Variants in VPS39 observed in about 807,000 individuals in gnomAD.
VPS39 encodes the protein VPS39 subunit of HOPS complex.
In VPS39, 70 loss-of-function variants were observed where a neutral mutation model predicts 121.0. The observed-to-expected ratio is 0.58, with a 90% CI of 0.48 to 0.71. VPS39 has a LOEUF of 0.71. VPS39 is among the 30% of genes least tolerant of loss of function. The pLI is 0.00. For missense variants in VPS39, 818 were observed against 1,051.5 expected (o/e 0.78, Z 3.07); for synonymous variants, 378 against 398.1 (o/e 0.95, Z 0.60).
At chr15:42,182,703 G>A (rs929376593) in intron 8 of VPS39, among the ~76,000 whole-genome samples, 5 of 152,238 alleles carry the variant, frequency 3.3e-5, no homozygotes, top group Non-Finnish European at 7.3e-5. Context: ...GAAGCACCAA[G>A]AAGTGACTAA....
At chr15:42,171,316 C>T (rs1051973468) in intron 11 of VPS39, among the ~76,000 whole-genome samples, 3 of 152,190 alleles carry the variant, frequency 2.0e-5, no homozygotes, top group Admixed American at 6.5e-5. Context: ...TGGAAGCCTC[C>T]CTCTTCCAGC....
intron 12 of VPS39, 64 bp downstream of exon 12, chr15:42,169,660 C>T (rs2049309430): frequency 2.0e-6 from 3 of 1,505,994 alleles, no homozygotes; most frequent in Middle Eastern, 2.4e-4. Flanking sequence ...CAATTCCTTG[C>T]CACAAAGAAA....
intron 4 of VPS39, among the ~76,000 whole-genome samples, chr15:42,189,819 T>TTTCTGAGGCACGGTCTCACTC (rs376361986): frequency 1.2e-5 from 1 of 82,706 alleles, no homozygotes; most frequent in Non-Finnish European, 2.3e-5. Context: ...TTTTTTTTTT[T>TTTCTGAGGCACGGTCTCACTC]TGAGGCACGG....
intron 2 of VPS39, among the ~76,000 whole-genome samples, chr15:42,192,922 G>A (rs2049860021): frequency 6.6e-6 from 1 of 152,074 alleles, no homozygotes; most frequent in Admixed American, 6.5e-5. Flanking sequence ...TGGGATTACA[G>A]GCATGTGCCA....
chr15:42,165,257 TCTAAAGC>T (rs2049219468), intron 17 of VPS39, 144 bp from the exon 18 acceptor site: 1 of 720,042 alleles, frequency 1.4e-6, no homozygotes, highest in South Asian at 1.8e-5. Flanking sequence ...AGACAGCTCG[TCTAAAGC>T]CACCAGGAAG....
intron 20 of VPS39, 22 bp from the exon 21 acceptor site, chr15:42,163,417 G>C: frequency 6.2e-7 from 1 of 1,614,134 alleles, no homozygotes; most frequent in Non-Finnish European, 8.5e-7. Context: ...AGAGTGGTGA[G>C]AGCAGGTGGT....
intron 8 of VPS39, 118 bp from the exon 9 acceptor site, chr15:42,178,688 A>G (rs1427205547): frequency 1.4e-6 from 2 of 1,422,548 alleles, no homozygotes; most frequent in Non-Finnish European, 1.9e-6. Flanking sequence ...CCCTAGTCAA[A>G]TATCAAGCCA....
chr15:42,180,029 G>A (rs932789243), intron 8 of VPS39, among the ~76,000 whole-genome samples: 8 of 152,130 alleles, frequency 5.3e-5, no homozygotes, highest in Non-Finnish European at 7.4e-5. Context: ...GGAGCATCAA[G>A]AAGGCCCTTA....
At chr15:42,183,826 T>G (rs1471773046) in intron 8 of VPS39, among the ~76,000 whole-genome samples, 1 of 152,184 alleles carries the variant, frequency 6.6e-6, no homozygotes. Context: ...ACAGGGGTCT[T>G]TAAAGACAGA....
intron 12 of VPS39, among the ~76,000 whole-genome samples, chr15:42,168,842 C>T (rs1364101518): frequency 6.6e-6 from 1 of 152,142 alleles, no homozygotes; most frequent in African/African-American, 2.4e-5. Context: ...CACACCCGGC[C>T]AACAGCAATA....
rs2049313918 is a variant in VPS39 at position 42,169,869 on chromosome 15, A to G, written c.1091-3T>C. 1 of 1,607,300 alleles carries G rather than the reference A, an allele frequency of 6.2e-7. No individual in the cohort carries two copies. The highest frequency in any genetic ancestry group is 2.2e-5 in the East Asian group (1 of 44,774). ...CAGGCCCATCACATGGGTGGGATCT[A>G]TATGGAAGGTAAACATGATTCCTCT... On this transcript the variant is annotated splice_region_variant and splice_polypyrimidine_tract_variant and intron_variant, in intron 11 of 24. Transcript: ENST00000318006.
chr15:42,171,608 A>G (rs1326878523), intron 11 of VPS39, among the ~76,000 whole-genome samples: 2 of 152,242 alleles, frequency 1.3e-5, no homozygotes, highest in Admixed American at 1.3e-4. Flanking sequence ...TACATGCCAC[A>G]ATATTTATCC....
chr15:42,179,925 T>C (rs2049547376), intron 8 of VPS39, among the ~76,000 whole-genome samples: 1 of 152,150 alleles, frequency 6.6e-6, no homozygotes, highest in Non-Finnish European at 1.5e-5. Flanking sequence ...ATTAATGCAC[T>C]ATAAAAAGGG....
chr15:42,170,741 ATTTTTTTTTTTTTTT>A lies in VPS39; in HGVS notation c.1091-890_1091-876del, dbSNP rs869280235. Among the ~76,000 whole-genome samples the A allele has an allele frequency of 2.7e-3, 138 of 50,496 alleles. No homozygotes were observed. The Admixed American group carries it at 0.041, about 15-fold the overall frequency. 33.1% of individuals were successfully genotyped at this position (50,496 alleles called of 152,430 possible). On this transcript the variant is annotated intron_variant, in intron 11 of 24. Transcript: ENST00000318006. ...ATGGTGTTCTCACAGATGCTCGCAGATTTTTTTTTTTTTTTTTTTTTTTTTTTTTGAGACAGGGTT... is the reference window on the plus strand; with the variant it reads ...ATGGTGTTCTCACAGATGCTCGCAGATTTTTTTTTTTTTTGAGACAGGGTT...
At chr15:42,201,040 T>C (rs1285487000) in intron 1 of VPS39, among the ~76,000 whole-genome samples, 2 of 152,154 alleles carry the variant, frequency 1.3e-5, no homozygotes, top group African/African-American at 4.8e-5. Context: ...GCTGGTGGGC[T>C]TGGGGGAAAA....
Position 42,208,130 on chromosome 15 carries a change from C to T in VPS39, c.24G>A (p.Val8=), listed in dbSNP as rs753104172. ...GCAGAGGCAGCTTTTCTAGGATCGG[C>T]ACTGGCTCGAAAGCGTCGTGCATGG... The part of the protein sequence containing the change: MHDAFEP[V]PILEKLPLQI... Residue 8 remains valine (V), a synonymous_variant, in exon 1 of 25, where the codon GTG becomes GTA. Coordinates refer to ENST00000318006, the MANE Select transcript of VPS39 (RefSeq NM_015289.5). 4.4e-6 allele frequency: 7 copies of T among 1,582,814 alleles called. No homozygotes were observed. Among genetic ancestry groups the T allele is most frequent in the Non-Finnish European group, 6.0e-6 (7 of 1,164,116 alleles).
At chr15:42,187,448 T>G (rs1000746832) in intron 6 of VPS39, 85 bp from the exon 7 acceptor site, 21 of 1,261,574 alleles carry the variant, frequency 1.7e-5, no homozygotes, top group Middle Eastern at 1.9e-4. Flanking sequence ...ACCTCCATTC[T>G]GCAAAACAAC....
intron 5 of VPS39, 36 bp from the exon 6 acceptor site, chr15:42,187,892 T>C: frequency 6.3e-7 from 1 of 1,575,850 alleles, no homozygotes; most frequent in African/African-American, 1.3e-5. Flanking sequence ...GAAAATACAA[T>C]GACTCTCTCT....
At chr15:42,176,419 A>G (rs4924629) in intron 10 of VPS39, among the ~76,000 whole-genome samples, 59,754 of 151,864 alleles carry the variant, frequency 0.39, 14,618 homozygotes, top group Non-Finnish European at 0.54. Flanking sequence ...GAGTAAGGTC[A>G]TGATAAATAC....
Sources: gnomAD v4.1 joint callset for allele counts (sites outside exome capture counted in the v4.1 genomes callset) on GRCh38, gnomAD v4.1.1 for gene constraint, MANE v1.5 for transcripts, NCBI Gene and HGNC (gene_info 2026-07-23, HGNC 2026-07-21) for gene names.